Variants in VPS13B observed in about 807,000 individuals in gnomAD.
The protein encoded by VPS13B is intermembrane lipid transfer protein VPS13B.
A neutral mutation model predicts 426.4 loss-of-function variants in VPS13B; 285 were observed. The observed-to-expected ratio is 0.67, with a 90% CI of 0.61 to 0.74. The LOEUF is 0.74. Among genes scored for constraint, VPS13B ranks in the 30% least tolerant of loss-of-function variants. VPS13B has a pLI of 0.00. For missense variants in VPS13B, 4,537 were observed against 4,782.6 expected (o/e 0.95, Z 1.51); for synonymous variants, 1,676 against 1,676.4 (o/e 1.00, Z 0.01).
chr8:99,837,614 T>C (rs1052947620), intron 54 of VPS13B, among the ~76,000 whole-genome samples: 1 of 152,138 alleles, frequency 6.6e-6, no homozygotes, highest in African/African-American at 2.4e-5. Flanking sequence ...TTATCATCTG[T>C]GGTTTGAGGA....
chr8:99,581,555 C>T (rs1588516176), intron 33 of VPS13B, among the ~76,000 whole-genome samples: 1 of 152,164 alleles, frequency 6.6e-6, no homozygotes, highest in East Asian at 1.9e-4. Flanking sequence ...ACTATAATTT[C>T]CATGATTTCT....
Position 99,121,320 on chromosome 8 carries a change from G to A in VPS13B, c.1081G>A (p.Asp361Asn), listed in dbSNP as rs749019850. Residue 361 changes from aspartate to asparagine, a missense_variant, in exon 8 of 62, where the codon GAT becomes AAT. Asp to Asn is a conservative substitution (Grantham distance 23). This residue lies in a region of VPS13B where 4,311 missense variants were observed against 4,474.3 expected (regional missense o/e 0.96). Transcript: ENST00000357162. Reference sequence around the variant, plus strand: ...TGTGCCTGCAATTGTGAGTTATGACGATGGCGAGGAAGACTTTGTTGGGAA... The same window carrying A: ...TGTGCCTGCAATTGTGAGTTATGACAATGGCGAGGAAGACTTTGTTGGGAA... ...SFVPAIVSYD[D>N]GEEDFVGNDP... is the part of the protein sequence containing the mutation. 1.2e-6 allele frequency: 2 copies of A among 1,614,018 alleles called. No individual in the cohort carries two copies. The highest frequency in any genetic ancestry group is 2.2e-5 in the East Asian group (1 of 44,890).
At chr8:99,338,310 T>C (rs566220981) in intron 19 of VPS13B, among the ~76,000 whole-genome samples, 2 of 152,180 alleles carry the variant, frequency 1.3e-5, no homozygotes, top group South Asian at 4.1e-4. Flanking sequence ...TTGACAATAT[T>C]GAGTCTTTAA....
At chr8:99,470,315 A>C (rs1182089267) in intron 24 of VPS13B, among the ~76,000 whole-genome samples, 5 of 152,162 alleles carry the variant, frequency 3.3e-5, no homozygotes, top group Non-Finnish European at 5.9e-5. Flanking sequence ...CCCCCACATA[A>C]ATGCATGTTC....
intron 43 of VPS13B, chr8:99,796,580 T>C (rs547562238): frequency 1.3e-5 from 2 of 152,312 alleles, no homozygotes; most frequent in East Asian, 3.9e-4. Flanking sequence ...TTATACCAAA[T>C]TTTATTGCTG....
chr8:99,068,472 AC>A (rs1431130788), intron 3 of VPS13B, among the ~76,000 whole-genome samples: 34 of 152,246 alleles, frequency 2.2e-4, no homozygotes, highest in Admixed American at 2.2e-3. Flanking sequence ...TTTTTGGAAC[AC>A]ATCCACTCTT....
intron 2 of VPS13B, among the ~76,000 whole-genome samples, chr8:99,030,653 T>C (rs982939169): frequency 1.3e-5 from 2 of 152,224 alleles, no homozygotes; most frequent in African/African-American, 2.4e-5. Flanking sequence ...ATGATAATCA[T>C]ACAAATGCAC....
At chr8:99,817,435 T>A in intron 44 of VPS13B, 105 bp from the exon 45 acceptor site, 1 of 1,436,262 alleles carries the variant, frequency 7.0e-7, no homozygotes, top group Non-Finnish European at 9.7e-7. Flanking sequence ...TTACTTCATT[T>A]TCTTTCCATT....
intron 42 of VPS13B, among the ~76,000 whole-genome samples, chr8:99,782,472 A>G (rs1321152382): frequency 2.0e-5 from 3 of 151,946 alleles, no homozygotes; most frequent in African/African-American, 7.2e-5. Flanking sequence ...AAATAGGAGA[A>G]CCTACCTTGA....
At chr8:99,654,345 G>A (rs2129686052) in intron 34 of VPS13B, among the ~76,000 whole-genome samples, 1 of 152,200 alleles carries the variant, frequency 6.6e-6, no homozygotes, top group East Asian at 1.9e-4. Context: ...ACCACGCCCG[G>A]CTGACACTGA....
intron 3 of VPS13B, among the ~76,000 whole-genome samples, chr8:99,053,397 G>A (rs868523985): frequency 6.6e-6 from 1 of 151,822 alleles, no homozygotes; most frequent in Non-Finnish European, 1.5e-5. Context: ...GGTTTTTTTG[G>A]TTTTTTGTCC....
chr8:99,686,387 C>G (rs1831401840), intron 35 of VPS13B, among the ~76,000 whole-genome samples: 1 of 150,742 alleles, frequency 6.6e-6, no homozygotes, highest in East Asian at 1.9e-4. Context: ...TGTGTTCACT[C>G]AAGGTCCTAG....
chr8:99,341,728 CT>C, intron 19 of VPS13B: 29 of 389,984 alleles, frequency 7.4e-5, no homozygotes, highest in South Asian at 1.4e-4. Flanking sequence ...ATCTTTCTGC[CT>C]TTTTTGTCTT....
intron 36 of VPS13B, among the ~76,000 whole-genome samples, chr8:99,706,365 G>A (rs957396799): frequency 6.6e-5 from 10 of 152,112 alleles, no homozygotes; most frequent in East Asian, 1.9e-4. Context: ...TCTGTTTACC[G>A]TGTGTTACAC....
rs371913103 is a variant in VPS13B, at chr8:99,693,246, A to G, written c.6047-6279A>G. 8.4e-4 allele frequency among the ~76,000 whole-genome samples: 127 copies of G among 151,068 alleles called. No individual in the cohort carries two copies. In the East Asian group the frequency reaches 0.022, roughly 26 times the overall value. ...AGCCGGGCAGAGACACAACCAAAAAAGAGAATTTTAGACCAATATCCTTGA... is the reference window on the plus strand; with the variant it reads ...AGCCGGGCAGAGACACAACCAAAAAGGAGAATTTTAGACCAATATCCTTGA... On this transcript the variant is annotated intron_variant, in intron 35 of 61. Transcript: ENST00000357162.
At chr8:99,702,754 C>T (rs1436606740) in intron 36 of VPS13B, among the ~76,000 whole-genome samples, 3 of 152,144 alleles carry the variant, frequency 2.0e-5, no homozygotes. Flanking sequence ...ACTCTAATCC[C>T]TAACTTATGC....
intron 34 of VPS13B, among the ~76,000 whole-genome samples, chr8:99,660,435 A>G (rs1267141292): frequency 6.6e-6 from 1 of 152,182 alleles, no homozygotes; most frequent in Non-Finnish European, 1.5e-5. Flanking sequence ...AAAATGGAAT[A>G]GATGGACTCT....
chr8:99,823,992 A>G lies in VPS13B; in HGVS notation c.9330+14A>G. 6.2e-7 allele frequency: 1 copy of G among 1,610,666 alleles called. No individual in the cohort carries two copies. The highest frequency in any genetic ancestry group is 8.5e-7 in the Non-Finnish European group (1 of 1,179,556). ...TCTGGAAAGGAGGTAAGCAAATCAT[A>G]ACGATTCTTTTGTCTAAGTTTTGAT... On this transcript the variant is annotated intron_variant, in intron 51 of 61. Transcript: ENST00000357162.
At chr8:99,720,655 C>T (rs764449486) in intron 38 of VPS13B, 103 bp downstream of exon 38, 18 of 1,336,348 alleles carry the variant, frequency 1.3e-5, no homozygotes, top group South Asian at 6.1e-5. Context: ...TTTTAAAGTG[C>T]GTTAAAATTT....
Sources: gnomAD v4.1 joint callset for allele counts (sites outside exome capture counted in the v4.1 genomes callset) on GRCh38, gnomAD v4.1.1 for gene constraint, gnomAD v4.1.1 regional missense constraint, MANE v1.5 for transcripts, NCBI Gene and HGNC (gene_info 2026-07-23, HGNC 2026-07-21) for gene names.